Variants in LNX1 observed in about 807,000 individuals in gnomAD.
LNX1 encodes the protein ligand of numb-protein X 1.
A neutral mutation model predicts 68.4 loss-of-function variants in LNX1; 54 were observed. The observed-to-expected ratio is 0.79, with a 90% CI of 0.63 to 0.99. LNX1 has a LOEUF of 0.99. Ranked by LOEUF, LNX1 falls within the 50% of genes least tolerant of loss-of-function variation. The probability of loss-of-function intolerance (pLI) is 0.00; values close to 1 mark genes in which losing one functional copy is unlikely to be tolerated. For synonymous variants in LNX1, 336 were observed against 350.0 expected (o/e 0.96, Z 0.45); for missense variants, 906 against 926.4 (o/e 0.98, Z 0.29).
intron 5 of LNX1, among the ~76,000 whole-genome samples, chr4:53,497,095 G>A (rs12511088): frequency 0.39 from 59,595 of 152,024 alleles, 12,136 homozygotes; most frequent in South Asian, 0.59. Flanking sequence ...AAGTTTCCAG[G>A]CTCTTTTATT....
At chr4:53,478,808 A>G (rs1383022291) in intron 7 of LNX1, 66 bp from the exon 8 acceptor site, 1 of 1,496,092 alleles carries the variant, frequency 6.7e-7, no homozygotes, top group Non-Finnish European at 9.1e-7. Flanking sequence ...GAATGTAGAA[A>G]ATGCAAAGTG....
At chr4:53,601,454 T>TCA (rs950440701) in intron 2 of LNX1, among the ~76,000 whole-genome samples, 2 of 152,162 alleles carry the variant, frequency 1.3e-5, no homozygotes, top group Non-Finnish European at 2.9e-5. Context: ...TGGGTGACTC[T>TCA]CACTAAGTGT....
intron 6 of LNX1, among the ~76,000 whole-genome samples, chr4:53,492,746 G>T (rs1294159146): frequency 1.3e-5 from 2 of 152,132 alleles, no homozygotes; most frequent in South Asian, 2.1e-4. Flanking sequence ...GTAAATAGAG[G>T]TGCCATTTTT....
intron 9 of LNX1, among the ~76,000 whole-genome samples, chr4:53,469,496 A>T (rs1722981115): frequency 6.6e-6 from 1 of 152,240 alleles, no homozygotes; most frequent in African/African-American, 2.4e-5. Flanking sequence ...AGATCAGAGC[A>T]GAACTGAAGA....
chr4:53,509,593 G>A (rs1187692778), intron 2 of LNX1, among the ~76,000 whole-genome samples: 2 of 152,150 alleles, frequency 1.3e-5, no homozygotes, highest in Non-Finnish European at 2.9e-5. Context: ...AGGTTTGATC[G>A]ACATTAAGTC....
At chr4:53,576,009 TC>T in intron 1 of LNX1, 4 of 1,567,002 alleles carry the variant, frequency 2.6e-6, no homozygotes, top group East Asian at 2.3e-5. Context: ...CCCTCCATCT[TC>T]CCCCCACCAG....
intron 1 of LNX1, among the ~76,000 whole-genome samples, chr4:53,643,724 C>T (rs1484557431): frequency 1.3e-5 from 2 of 152,130 alleles, no homozygotes; most frequent in Non-Finnish European, 2.9e-5. Context: ...TGCCTGGTAA[C>T]CTTGGGCAGC....
chr4:53,556,149 GTT>G (rs957540621), intron 2 of LNX1, among the ~76,000 whole-genome samples: 2 of 152,108 alleles, frequency 1.3e-5, no homozygotes, highest in African/African-American at 2.4e-5. Context: ...CCAGTGATAA[GTT>G]TCCTTATAAG....
intron 2 of LNX1, among the ~76,000 whole-genome samples, chr4:53,571,724 G>T (rs144851600): frequency 6.6e-6 from 1 of 151,924 alleles, no homozygotes; most frequent in African/African-American, 2.4e-5. Flanking sequence ...GTGCAGTAGC[G>T]CATCACAGCT....
intron 1 of LNX1, among the ~76,000 whole-genome samples, chr4:53,635,538 AT>A (rs1734438686): frequency 6.6e-6 from 1 of 152,140 alleles, no homozygotes; most frequent in Admixed American, 6.6e-5. Context: ...AATTATTTTA[AT>A]ATTATTATAA....
chr4:53,629,379 C>G (rs1052718132), intron 1 of LNX1, among the ~76,000 whole-genome samples: 1 of 152,142 alleles, frequency 6.6e-6, no homozygotes, highest in Admixed American at 6.5e-5. Flanking sequence ...TAGGCTGACT[C>G]TGGCAAAGAG....
chr4:53,622,785 G>A (rs2590826), intron 1 of LNX1, among the ~76,000 whole-genome samples: 50,203 of 152,074 alleles, frequency 0.33, 8,650 homozygotes, highest in Admixed American at 0.38. Flanking sequence ...GAGAATAAGA[G>A]AGGGAGGCTG....
At position 53,506,856 on chromosome 4, in the gene LNX1, T is replaced by TAAAAAAAAAAAAAAAAAAAAAAAAAAAA. The variant is rs59260730; in HGVS notation, c.775+460_775+461insTTTTTTTTTTTTTTTTTTTTTTTTTTTT. On this transcript the variant is annotated intron_variant, in intron 4 of 10. Coordinates refer to ENST00000263925, the MANE Select transcript of LNX1 (RefSeq NM_001126328.3). ...CCTGGGCGACAAGCAAAACTCTGTC[T>TAAAAAAAAAAAAAAAAAAAAAAAAAAAA]AAAAAAAAAAAAAAAAAAAGAGGAA... 2.0e-4 allele frequency among the ~76,000 whole-genome samples: 11 copies of TAAAAAAAAAAAAAAAAAAAAAAAAAAAA among 54,198 alleles called. 1 individual carries two copies. The highest frequency in any genetic ancestry group is 5.0e-4 in the South Asian group (1 of 1,998). 35.6% of individuals were successfully genotyped at this position (54,198 alleles called of 152,430 possible).
chr4:53,488,022 A>G (rs1433670068), intron 6 of LNX1, among the ~76,000 whole-genome samples: 1 of 152,202 alleles, frequency 6.6e-6, no homozygotes, highest in Non-Finnish European at 1.5e-5. Flanking sequence ...GCCCTGGGAA[A>G]TTGTGAAGGC....
intron 4 of LNX1, among the ~76,000 whole-genome samples, chr4:53,506,573 C>T (rs76888878): frequency 0.017 from 2,566 of 152,016 alleles, 71 homozygotes; most frequent in African/African-American, 0.059. Context: ...ATAGGAGTGG[C>T]GCCAGGTGCG....
chr4:53,613,581 A>G (rs1033687590), intron 2 of LNX1, among the ~76,000 whole-genome samples: 1 of 152,104 alleles, frequency 6.6e-6, no homozygotes, highest in Non-Finnish European at 1.5e-5. Context: ...TTCCTGTGTT[A>G]CCTTGCTAAG....
intron 2 of LNX1, chr4:53,616,396 T>C (rs1733681677): frequency 6.6e-6 from 1 of 152,160 alleles, no homozygotes; most frequent in South Asian, 2.1e-4. Context: ...CAGCACATGA[T>C]TGGTGGGAAG....
intron 9 of LNX1, among the ~76,000 whole-genome samples, chr4:53,471,517 T>C (rs966136914): frequency 3.9e-5 from 6 of 152,202 alleles, no homozygotes; most frequent in Admixed American, 6.5e-5. Flanking sequence ...AAAGAGCTTC[T>C]GCACAGCGAA....
chr4:53,595,375 T>C (rs1347622951), upstream of LNX1, among the ~76,000 whole-genome samples: 1 of 152,368 alleles, frequency 6.6e-6, no homozygotes, highest in African/African-American at 2.4e-5. Context: ...AACTGCTTCA[T>C]GTCCTCACAT....
Sources: allele counts gnomAD v4.1 joint callset (sites outside exome capture counted in the v4.1 genomes callset), GRCh38; gene constraint gnomAD v4.1.1; transcripts MANE v1.5; gene names NCBI Gene and HGNC (gene_info 2026-07-23, HGNC 2026-07-21).